CSMD1: variants seen among roughly 807,000 people sequenced by gnomAD.
The protein encoded by CSMD1 is CUB and sushi domain-containing protein 1.
Under a neutral mutation model 417.5 loss-of-function variants are expected in CSMD1, and 213 were observed. That is an observed-to-expected ratio of 0.51 (90% CI 0.46 to 0.57). The LOEUF (loss-of-function observed/expected upper bound fraction) is 0.57, where lower values mean the gene tolerates loss of function less well. Among genes scored for constraint, CSMD1 ranks in the 20% least tolerant of loss-of-function variants. CSMD1 has a pLI of 0.00. For missense variants in CSMD1, 6,923 were observed against 4,529.7 expected, an observed-to-expected ratio of 1.53 and a Z score of -15.17; for synonymous variants, 2,862 against 1,736.8, an observed-to-expected ratio of 1.65 and a Z score of -16.11.
chr8:2,955,178 CAG>C (rs1802913411), intron 64 of CSMD1, among the ~76,000 whole-genome samples: 1 of 152,188 alleles, frequency 6.6e-6, no homozygotes, highest in Admixed American at 6.5e-5. Context: ...AAAAATAAGA[CAG>C]AGTTTCATTT....
intron 3 of CSMD1, among the ~76,000 whole-genome samples, chr8:4,236,275 T>G (rs1427875693): frequency 1.3e-5 from 2 of 152,066 alleles, no homozygotes; most frequent in Non-Finnish European, 2.9e-5. Flanking sequence ...ATTGGCACAC[T>G]GATCGGAATT....
rs78401498 is a variant in CSMD1, at chr8:3,767,303, G to C, written c.819-13261C>G. On this transcript the variant is annotated intron_variant, in intron 5 of 69. Transcript: ENST00000635120. The stretch of plus-strand genomic sequence containing the variant: ...GACCTGCACACTCTGCAATGGTGTG[G>C]TCATTACGAACACGGACAGTGGAGT... 7.6e-3 allele frequency among the ~76,000 whole-genome samples: 1,153 copies of C among 152,316 alleles called. 5 individuals carry two copies. The highest frequency in any genetic ancestry group is 0.013 in the Non-Finnish European group (891 of 68,034).
At chr8:3,703,410 C>G (rs1401015931) in intron 7 of CSMD1, among the ~76,000 whole-genome samples, 1 of 12,990 alleles carries the variant, frequency 7.7e-5, no homozygotes, top group Non-Finnish European at 1.2e-4. Context: ...GCTTTTGTTC[C>G]AAAGCACAGA....
intron 10 of CSMD1, among the ~76,000 whole-genome samples, chr8:3,573,794 G>C (rs1267901033): frequency 1.3e-5 from 2 of 151,434 alleles, no homozygotes; most frequent in Admixed American, 1.3e-4. Flanking sequence ...GTAAATAGTG[G>C]GGTTCAGTAA....
intron 5 of CSMD1, among the ~76,000 whole-genome samples, chr8:3,993,300 C>T (rs773814320): frequency 5.9e-5 from 9 of 152,052 alleles, no homozygotes; most frequent in Non-Finnish European, 1.3e-4. Flanking sequence ...TTTTGGGGCA[C>T]GTGAGAGAAG....
At chr8:4,519,795 G>A (rs1366421548) in intron 2 of CSMD1, among the ~76,000 whole-genome samples, 3 of 130,826 alleles carry the variant, frequency 2.3e-5, no homozygotes, top group African/African-American at 9.1e-5. Context: ...CTTGCCTTTT[G>A]GAGCCAGGGA....
At chr8:3,133,155 C>T (rs971886796) in intron 41 of CSMD1, among the ~76,000 whole-genome samples, 2 of 152,274 alleles carry the variant, frequency 1.3e-5, no homozygotes, top group East Asian at 1.9e-4. Flanking sequence ...TTCTCCTCAG[C>T]GACCTGGGGG....
At chr8:3,671,987 A>C (rs1352064674) in intron 7 of CSMD1, among the ~76,000 whole-genome samples, 1 of 152,176 alleles carries the variant, frequency 6.6e-6, no homozygotes, top group Non-Finnish European at 1.5e-5. Flanking sequence ...TGCAATACTT[A>C]AACAAAAATA....
chr8:4,795,805 A>T (rs530621255), intron 1 of CSMD1, among the ~76,000 whole-genome samples: 1 of 152,096 alleles, frequency 6.6e-6, no homozygotes, highest in African/African-American at 2.4e-5. Flanking sequence ...CATAAATCAC[A>T]CTAAGTACTG....
rs181300018 is a variant in CSMD1 at position 3,963,659 on chromosome 8, G to T, written c.818+34244C>A. Among the ~76,000 whole-genome samples the T allele has an allele frequency of 4.6e-4, 70 of 152,216 alleles. No homozygotes were observed. The Middle Eastern group carries it at 0.01, about 22-fold the overall frequency. ...ATTTTTAAATACTAAAGCTATGTGCGTATGATTTTGTATGTGTGTAAGTGA... is the reference window on the plus strand; with the variant it reads ...ATTTTTAAATACTAAAGCTATGTGCTTATGATTTTGTATGTGTGTAAGTGA... On this transcript the variant is annotated intron_variant, in intron 5 of 69. Transcript: ENST00000635120.
intron 10 of CSMD1, 121 bp downstream of exon 10, chr8:3,574,823 AC>A: frequency 8.7e-7 from 1 of 1,155,672 alleles, no homozygotes; most frequent in Non-Finnish European, 1.2e-6. Context: ...TGCAGCTGGA[AC>A]TTTTAAATTC....
At chr8:4,304,507 C>G (rs1199616756) in intron 3 of CSMD1, among the ~76,000 whole-genome samples, 3 of 152,166 alleles carry the variant, frequency 2.0e-5, no homozygotes, top group African/African-American at 7.2e-5. Flanking sequence ...GTAAGCCTTA[C>G]TGTTTCAGTG....
intron 57 of CSMD1, among the ~76,000 whole-genome samples, chr8:2,972,311 A>G (rs1011126331): frequency 2.0e-5 from 3 of 152,198 alleles, no homozygotes; most frequent in African/African-American, 7.2e-5. Context: ...CAAGTTGGTA[A>G]AATTATTTGG....
chr8:4,586,848 G>C (rs753946298), intron 2 of CSMD1, among the ~76,000 whole-genome samples: 1 of 152,184 alleles, frequency 6.6e-6, no homozygotes, highest in Non-Finnish European at 1.5e-5. Context: ...ATCATGGCAG[G>C]TGTTCAACTT....
chr8:4,817,310 C>T (rs769222577), intron 1 of CSMD1, among the ~76,000 whole-genome samples: 3 of 152,128 alleles, frequency 2.0e-5, no homozygotes, highest in Non-Finnish European at 1.5e-5. Context: ...ATTAAGGTGG[C>T]TATTATTTTC....
At chr8:3,867,442 C>A (rs1394896992) in intron 5 of CSMD1, among the ~76,000 whole-genome samples, 1 of 152,012 alleles carries the variant, frequency 6.6e-6, no homozygotes, top group African/African-American at 2.4e-5. Flanking sequence ...TTGAGTCTTC[C>A]TGGCTATGGT....
At chr8:4,186,436 G>T (rs1798680079) in intron 3 of CSMD1, among the ~76,000 whole-genome samples, 1 of 151,996 alleles carries the variant, frequency 6.6e-6, no homozygotes, top group African/African-American at 2.4e-5. Flanking sequence ...AGTTTACAGA[G>T]CCCAGGTTTC....
intron 1 of CSMD1, among the ~76,000 whole-genome samples, chr8:4,864,875 T>C (rs201914593): frequency 6.2e-4 from 91 of 146,980 alleles, no homozygotes; most frequent in African/African-American, 1.9e-3. Context: ...TGGATTCTAC[T>C]ACACACACAC....
chr8:3,317,366 T>C (rs1805842282), intron 23 of CSMD1, among the ~76,000 whole-genome samples: 1 of 152,178 alleles, frequency 6.6e-6, no homozygotes, highest in African/African-American at 2.4e-5. Context: ...TCCTAACAAA[T>C]AGTAATCGCA....
Sources: gnomAD v4.1 joint callset for allele counts (sites outside exome capture counted in the v4.1 genomes callset) on GRCh38, gnomAD v4.1.1 for gene constraint, MANE v1.5 for transcripts, NCBI Gene and HGNC (gene_info 2026-07-23, HGNC 2026-07-21) for gene names.